MYPN: variants seen among roughly 807,000 people sequenced by gnomAD.
MYPN encodes sarcomeric protein myopalladin, 145 kDa (MYOP).
A neutral mutation model predicts 129.4 loss-of-function variants in MYPN; 63 were observed. The ratio of observed to expected loss-of-function variants is 0.49; its 90% CI spans 0.40 to 0.60. The LOEUF (loss-of-function observed/expected upper bound fraction) is 0.60. Ranked by LOEUF, MYPN falls within the 20% of genes least tolerant of loss-of-function variation. The pLI, the probability that MYPN is intolerant of heterozygous loss-of-function variation, is 0.00. For synonymous variants in MYPN, 629 were observed against 600.9 expected (o/e 1.05, Z -0.68); for missense variants, 1,596 against 1,635.4 (o/e 0.98, Z 0.42).
chr10:68,166,045 GAACATCTCCTCA>G (rs1242325232), intron 9 of MYPN, among the ~76,000 whole-genome samples: 8 of 152,132 alleles, frequency 5.3e-5, no homozygotes, highest in Non-Finnish European at 1.0e-4. Context: ...TATTTCCTGA[GAACATCTCCTCA>G]ATAAATTTCT....
At chr10:68,189,209 C>T (rs564930229) in intron 13 of MYPN, 83 bp downstream of exon 13, 42 of 966,160 alleles carry the variant, frequency 4.3e-5, no homozygotes, top group African/African-American at 9.6e-5. Context: ...AAAAAATATA[C>T]GCAATGTTTT....
upstream of MYPN, among the ~76,000 whole-genome samples, chr10:68,108,731 A>AT (rs1161616756): frequency 4.6e-5 from 7 of 151,474 alleles, no homozygotes; most frequent in East Asian, 1.9e-4. Flanking sequence ...TAATTTTATT[A>AT]TTTTTTTTGA....
upstream of MYPN, among the ~76,000 whole-genome samples, chr10:68,101,233 C>A (rs1308343220): frequency 6.6e-6 from 1 of 152,090 alleles, no homozygotes; most frequent in Admixed American, 6.5e-5. Context: ...AACACTGCAA[C>A]AAGCAACAAG....
At chr10:68,113,656 C>T (rs1221481837) in intron 1 of MYPN, among the ~76,000 whole-genome samples, 1 of 148,604 alleles carries the variant, frequency 6.7e-6, no homozygotes, top group Non-Finnish European at 1.5e-5. Flanking sequence ...ATGACTGCAC[C>T]ACTATACCCC....
At chr10:68,112,074 T>A (rs1026351226) in intron 1 of MYPN, among the ~76,000 whole-genome samples, 2 of 152,208 alleles carry the variant, frequency 1.3e-5, no homozygotes. Context: ...CCATTTGGGA[T>A]TTCCTTTATA....
Position 68,166,326 on chromosome 10 carries a change from C to A in MYPN, c.1633C>A (p.His545Asn). 6.2e-7 allele frequency: 1 copy of A among 1,614,096 alleles called. No homozygotes were observed. The highest frequency in any genetic ancestry group is 8.5e-7 in the Non-Finnish European group (1 of 1,180,014). The change falls in exon 10 of 20, where the codon CAC (histidine) becomes AAC (asparagine). Residue 545 changes from histidine to asparagine, a missense_variant. Coordinates refer to ENST00000358913, the MANE Select transcript of MYPN (RefSeq NM_032578.4). Reference sequence around the variant, plus strand: ...GGACCTCAGCAACAACGGGTCTCTTCACTCAGCCAACTCTACCACCAACCT... The same window carrying A: ...GGACCTCAGCAACAACGGGTCTCTTAACTCAGCCAACTCTACCACCAACCT... ...NEDLSNNGSL[H>N]SANSTTNLAA... is the part of the protein sequence containing the mutation.
intron 18 of MYPN, among the ~76,000 whole-genome samples, chr10:68,204,815 G>A (rs938451687): frequency 6.6e-6 from 1 of 151,440 alleles, no homozygotes; most frequent in Non-Finnish European, 1.5e-5. Context: ...CTGAGAGGAA[G>A]GGTCCCGTCC....
At position 68,165,782 on chromosome 10, in the gene MYPN, G is replaced by A. The variant is rs951303629; in HGVS notation, c.1564G>A (p.Gly522Ser). ...CFTCTASNKY[G>S]TVSSIAQLHV... ...CACATGTACTGCAAGCAACAAATAC[G>A]GCACAGTGTCAAGCATTGCACAGCT... The change falls in exon 9 of 20, where the codon GGC (glycine) becomes AGC (serine). Residue 522 changes from glycine to serine, a missense_variant. By Grantham distance (56) the Gly-to-Ser change is moderately conservative (BLOSUM62 0). Transcript: ENST00000358913. The A allele has an allele frequency of 9.3e-6, 15 of 1,614,010 alleles. No individual in the cohort carries two copies. The highest frequency in any genetic ancestry group is 8.0e-5 in the African/African-American group (6 of 74,936).
At chr10:68,108,364 G>A (rs1162176251), upstream of MYPN, among the ~76,000 whole-genome samples, 2 of 152,268 alleles carry the variant, frequency 1.3e-5, no homozygotes, top group Non-Finnish European at 1.5e-5. Context: ...TGACTGAAGA[G>A]GATAAAGATC....
At chr10:68,138,882 G>T (rs952699701) in intron 2 of MYPN, among the ~76,000 whole-genome samples, 1 of 152,066 alleles carries the variant, frequency 6.6e-6, no homozygotes, top group Admixed American at 6.5e-5. Context: ...ATGCTTCTTT[G>T]CTTGTACAAC....
chr10:68,091,393 CTT>C (rs11301512), intron 1 of MYPN, among the ~76,000 whole-genome samples: 154 of 106,728 alleles, frequency 1.4e-3, no homozygotes, highest in African/African-American at 4.8e-3. Context: ...GACTACAGCC[CTT>C]TTTTTTTTTT....
At chr10:68,205,480 A>G (rs529353587) in intron 18 of MYPN, among the ~76,000 whole-genome samples, 1 of 151,136 alleles carries the variant, frequency 6.6e-6, no homozygotes, top group East Asian at 1.9e-4. Context: ...GGAGTTCGAG[A>G]CCAGCCTAGC....
intron 18 of MYPN, among the ~76,000 whole-genome samples, chr10:68,205,533 A>G (rs2043800910): frequency 6.7e-6 from 1 of 149,884 alleles, no homozygotes; most frequent in Non-Finnish European, 1.5e-5. Context: ...AAAAAAAAAG[A>G]AAAATTAGGC....
chr10:68,113,140 T>A (rs2042104410), intron 1 of MYPN, among the ~76,000 whole-genome samples: 1 of 152,208 alleles, frequency 6.6e-6, no homozygotes, highest in African/African-American at 2.4e-5. Flanking sequence ...AAAGGTCACC[T>A]CAAATTTGCA....
In MYPN at chr10:68,199,411, G is replaced by A. The variant is rs1564697534; in HGVS notation, c.3329G>A (p.Gly1110Asp). The change falls in exon 17 of 20, where the codon GGC becomes GAC. Residue 1110 changes from glycine to aspartate, a missense_variant. Transcript: ENST00000358913. ...CCGGAGCTGACATGGCTACTCAATG[G>A]CCAACCTGTGCTACCAGATGCCTCC... ...PPPELTWLLN[G>D]QPVLPDASHK... The A allele has an allele frequency of 6.2e-7, 1 of 1,614,090 alleles. No individual in the cohort carries two copies. The highest frequency in any genetic ancestry group is 1.3e-5 in the African/African-American group (1 of 75,018).
intron 2 of MYPN, among the ~76,000 whole-genome samples, chr10:68,123,773 G>A: frequency 6.6e-6 from 1 of 152,018 alleles, no homozygotes; most frequent in Non-Finnish European, 1.5e-5. Context: ...CATTTCAAGT[G>A]CCCAGTAACT....
At chr10:68,106,919 G>T (rs1447881317), upstream of MYPN, 7 of 669,508 alleles carry the variant, frequency 1.0e-5, no homozygotes, top group Non-Finnish European at 5.4e-6. Flanking sequence ...CAACTTTATG[G>T]GGAAGGCTTA....
At chr10:68,203,412 G>A (rs867181938) in intron 18 of MYPN, among the ~76,000 whole-genome samples, 33 of 149,524 alleles carry the variant, frequency 2.2e-4, no homozygotes, top group Admixed American at 7.4e-4. Flanking sequence ...AACATAGCAA[G>A]ACCCCATCTC....
chr10:68,122,196 G>C lies in MYPN; in HGVS notation c.758G>C (p.Gly253Ala), dbSNP rs760197836. The change falls in exon 2 of 20, where the codon GGG becomes GCG. Residue 253 changes from glycine to alanine, a missense_variant. Coordinates refer to ENST00000358913, the MANE Select transcript of MYPN (RefSeq NM_032578.4). The stretch of plus-strand genomic sequence containing the variant: ...GCGGCTGGTGGAGACACTACACCAG[G>C]GTCTTCCCCTTCATCTCTGTACTAT... ...SEAAGGDTTP[G>A]SSPSSLYYEE... The C allele has an allele frequency of 1.2e-6, 2 of 1,609,110 alleles. No homozygotes were observed. Among genetic ancestry groups the C allele is most frequent in the Non-Finnish European group, 1.7e-6 (2 of 1,177,428 alleles).
Sources: allele counts gnomAD v4.1 joint callset (sites outside exome capture counted in the v4.1 genomes callset), GRCh38; gene constraint gnomAD v4.1.1; transcripts MANE v1.5; gene names NCBI Gene and HGNC (gene_info 2026-07-23, HGNC 2026-07-21).